Variants in PXYLP1 observed in about 807,000 individuals in gnomAD.
The protein encoded by PXYLP1 is 2-phosphoxylose phosphatase 1.
PXYLP1 carries 17 observed loss-of-function variants against 37.9 expected under a neutral mutation model. That is an observed-to-expected ratio of 0.45 (90% CI 0.31 to 0.67). PXYLP1 has a LOEUF of 0.67. Among genes scored for constraint, PXYLP1 ranks in the 30% least tolerant of loss-of-function variants. PXYLP1 has a pLI of 0.07. For synonymous variants in PXYLP1, 221 were observed against 232.2 expected (o/e 0.95, Z 0.44); for missense variants, 511 against 612.0 (o/e 0.84, Z 1.74).
At chr3:141,248,853 A>G (rs559681788) in intron 1 of PXYLP1, among the ~76,000 whole-genome samples, 1 of 80,818 alleles carries the variant, frequency 1.2e-5, no homozygotes, top group African/African-American at 4.4e-5. Context: ...ATACACACGT[A>G]TATATATACA....
chr3:141,260,207 T>C lies in PXYLP1; in HGVS notation c.32T>C (p.Leu11Pro), dbSNP rs774936891. The C allele has an allele frequency of 6.2e-7, 1 of 1,613,766 alleles. No individual in the cohort carries two copies. The highest frequency in any genetic ancestry group is 1.1e-5 in the South Asian group (1 of 91,086). Residue 11 changes from leucine to proline, a missense_variant, in exon 2 of 6, where the codon CTG (leucine) becomes CCG (proline). Transcript: ENST00000286353. The part of the protein sequence containing the change: MLFRNRFLLL[L>P]ALAALLAFVS... ...TTCCGCAACCGCTTCTTGCTGCTGCTGGCCCTGGCTGCGCTGCTGGCCTTT... is the reference window on the plus strand; with the variant it reads ...TTCCGCAACCGCTTCTTGCTGCTGCCGGCCCTGGCTGCGCTGCTGGCCTTT...
At chr3:141,277,091 T>C (rs962890057) in intron 2 of PXYLP1, among the ~76,000 whole-genome samples, 1 of 152,176 alleles carries the variant, frequency 6.6e-6, no homozygotes, top group Non-Finnish European at 1.5e-5. Flanking sequence ...CATTTGTCTG[T>C]TAGGTTAGTT....
intron 1 of PXYLP1, chr3:141,235,040 A>C (rs962172682): frequency 2.6e-5 from 4 of 152,244 alleles, no homozygotes; most frequent in African/African-American, 9.7e-5. Context: ...AGAATGTTCA[A>C]GGTCCTGAAA....
At chr3:141,278,593 CCCAA>C in intron 3 of PXYLP1, 93 bp downstream of exon 3, 1 of 1,507,858 alleles carries the variant, frequency 6.6e-7, no homozygotes, top group Non-Finnish European at 9.0e-7. Flanking sequence ...ATGGCCAGGA[CCCAA>C]GTCCTGCAGT....
intron 5 of PXYLP1, 35 bp downstream of exon 5, chr3:141,287,488 C>A (rs200959489): frequency 6.2e-7 from 1 of 1,602,104 alleles, no homozygotes; most frequent in Non-Finnish European, 8.5e-7. Flanking sequence ...GGGGTTCCCC[C>A]ACCCGCTCTT....
At chr3:141,265,637 G>C (rs1404313953) in intron 2 of PXYLP1, among the ~76,000 whole-genome samples, 1 of 152,182 alleles carries the variant, frequency 6.6e-6, no homozygotes, top group East Asian at 1.9e-4. Flanking sequence ...TAATTGGGTG[G>C]TGTCGTGGGG....
intron 2 of PXYLP1, among the ~76,000 whole-genome samples, chr3:141,267,897 C>CT (rs1367530781): frequency 2.0e-5 from 3 of 151,846 alleles, no homozygotes; most frequent in Non-Finnish European, 4.4e-5. Flanking sequence ...CTCTCTCCCA[C>CT]CTTCCCTTTC....
chr3:141,244,367 T>G (rs887111512), intron 1 of PXYLP1, among the ~76,000 whole-genome samples: 1 of 89,960 alleles, frequency 1.1e-5, no homozygotes, highest in Admixed American at 1.0e-4. Context: ...TTACTCACCT[T>G]TTTTTTTTGT....
At chr3:141,262,220 A>C (rs1207801321) in intron 2 of PXYLP1, 35 of 928,224 alleles carry the variant, frequency 3.8e-5, no homozygotes, top group Non-Finnish European at 2.3e-5. Flanking sequence ...AAAGAATTTA[A>C]AATACTCGTT....
At chr3:141,273,357 C>T in intron 2 of PXYLP1, 1 of 985,448 alleles carries the variant, frequency 1.0e-6, no homozygotes, top group South Asian at 4.7e-5. Flanking sequence ...CTAAGGTCTA[C>T]TGTCTGGCTG....
chr3:141,256,688 T>A (rs1213892898), intron 1 of PXYLP1, among the ~76,000 whole-genome samples: 2 of 152,230 alleles, frequency 1.3e-5, no homozygotes, highest in African/African-American at 2.4e-5. Flanking sequence ...ATCTTCAAGT[T>A]TTCTAGTGAA....
At chr3:141,234,556 G>A (rs999695289) in intron 1 of PXYLP1, among the ~76,000 whole-genome samples, 14 of 152,222 alleles carry the variant, frequency 9.2e-5, no homozygotes, top group Non-Finnish European at 2.1e-4. Flanking sequence ...GGCGAGCTGG[G>A]AGTGCCTCTT....
chr3:141,242,706 T>C (rs539446875), intron 1 of PXYLP1, among the ~76,000 whole-genome samples: 26 of 152,214 alleles, frequency 1.7e-4, no homozygotes, highest in Non-Finnish European at 3.7e-4. Context: ...GATGCTGTTT[T>C]TTGGGTGCCT....
chr3:141,269,377 G>A (rs1392746475), intron 2 of PXYLP1, among the ~76,000 whole-genome samples: 3 of 152,142 alleles, frequency 2.0e-5, no homozygotes. Flanking sequence ...TCCTTATGGG[G>A]TTCTCTGGGT....
intron 1 of PXYLP1, among the ~76,000 whole-genome samples, chr3:141,250,748 A>G (rs1941122383): frequency 6.6e-6 from 1 of 152,228 alleles, no homozygotes; most frequent in Non-Finnish European, 1.5e-5. Context: ...GAGGACAGAC[A>G]TGGAAAGCTC....
chr3:141,281,664 C>T (rs1022718570), intron 4 of PXYLP1, among the ~76,000 whole-genome samples: 2 of 152,130 alleles, frequency 1.3e-5, no homozygotes, highest in African/African-American at 4.8e-5. Context: ...AGGGAGGGGA[C>T]ATGGGGTGGC....
chr3:141,254,627 G>A (rs1378410923), intron 1 of PXYLP1, among the ~76,000 whole-genome samples: 2 of 152,038 alleles, frequency 1.3e-5, no homozygotes, highest in Non-Finnish European at 2.9e-5. Flanking sequence ...CCACTTTGAC[G>A]TGACTTTGGA....
At chr3:141,284,486 C>T (rs1046008063) in intron 4 of PXYLP1, among the ~76,000 whole-genome samples, 3 of 152,280 alleles carry the variant, frequency 2.0e-5, no homozygotes, top group Admixed American at 6.5e-5. Context: ...TTTTAGTGTA[C>T]GACTAGTACA....
intron 2 of PXYLP1, among the ~76,000 whole-genome samples, chr3:141,264,284 T>C (rs1941458393): frequency 6.6e-6 from 1 of 152,196 alleles, no homozygotes; most frequent in Non-Finnish European, 1.5e-5. Flanking sequence ...CACATTTCAG[T>C]TAAGCATATG....
Sources: allele counts gnomAD v4.1 joint callset (sites outside exome capture counted in the v4.1 genomes callset), GRCh38; gene constraint gnomAD v4.1.1; transcripts MANE v1.5; gene names NCBI Gene and HGNC (gene_info 2026-07-23, HGNC 2026-07-21).